Variants in PABPC1 observed in about 807,000 individuals in gnomAD.
The protein encoded by PABPC1 is polyadenylate-binding protein 1.
A neutral mutation model predicts 74.0 loss-of-function variants in PABPC1; 4 were observed. That is an observed-to-expected ratio of 0.05 (90% CI 0.03 to 0.12). PABPC1 has a LOEUF of 0.12. Ranked by LOEUF, PABPC1 falls within the 10% of genes least tolerant of loss-of-function variation. The probability of loss-of-function intolerance (pLI) is 1.00; values close to 1 mark genes in which losing one functional copy is unlikely to be tolerated. For synonymous variants in PABPC1, 227 were observed against 264.1 expected (o/e 0.86, Z 1.36); for missense variants, 271 against 821.1 (o/e 0.33, Z 8.19).
At chr8:100,704,793 GGTT>G in intron 13 of PABPC1, 130 bp downstream of exon 13, 2 of 900,416 alleles carry the variant, frequency 2.2e-6, no homozygotes, top group Non-Finnish European at 3.4e-6. Flanking sequence ...TAGCGCCACA[GGTT>G]ATTATGCAGA....
intron 11 of PABPC1, 87 bp from the exon 12 acceptor site, chr8:100,705,760 G>C: frequency 1.2e-6 from 1 of 847,550 alleles, no homozygotes; most frequent in Non-Finnish European, 2.0e-6. Flanking sequence ...TGCTGAAGTG[G>C]TAGACTTCCA....
intron 7 of PABPC1, among the ~76,000 whole-genome samples, chr8:100,710,332 C>A (rs983660030): frequency 6.6e-6 from 1 of 152,116 alleles, no homozygotes; most frequent in Non-Finnish European, 1.5e-5. Flanking sequence ...ACTCGCTAGG[C>A]CAGCAATATA....
Position 100,709,119 on chromosome 8 carries a change from G to GA in PABPC1, c.1336+13dup. On this transcript the variant is annotated intron_variant, in intron 9 of 14. Transcript: ENST00000318607. ...ACTCAATCCCCAACCTTAATTAAAA[G>GA]AAAAAAGACTTACGATGAGGTCTGG... 6.3e-7 allele frequency: 1 copy of GA among 1,580,714 alleles called. No homozygotes were observed. The highest frequency in any genetic ancestry group is 8.6e-7 in the Non-Finnish European group (1 of 1,158,624).
intron 4 of PABPC1, among the ~76,000 whole-genome samples, chr8:100,715,122 T>TACACACACACACACAC (rs56819980): frequency 3.1e-4 from 41 of 131,300 alleles, no homozygotes; most frequent in African/African-American, 5.3e-4. Context: ...GATCTCTAAT[T>TACACACACACACACAC]ACACACACAC....
chr8:100,712,966 A>G (rs1810568923), intron 5 of PABPC1, 121 bp downstream of exon 5: 1 of 1,034,370 alleles, frequency 9.7e-7, no homozygotes, highest in East Asian at 2.5e-5. Flanking sequence ...CCTAATGCAT[A>G]AAATGCAAAT....
intron 9 of PABPC1, chr8:100,707,227 G>A (rs1231507529): frequency 5.2e-6 from 2 of 385,318 alleles, no homozygotes; most frequent in South Asian, 2.4e-5. Flanking sequence ...CCACAGGGTC[G>A]GTGGGCTTCT....
At chr8:100,716,166 G>A (rs1046626237) in intron 3 of PABPC1, among the ~76,000 whole-genome samples, 9 of 152,208 alleles carry the variant, frequency 5.9e-5, no homozygotes, top group African/African-American at 1.9e-4. Context: ...CACTTTGCAA[G>A]GCCAAGGTGG....
intron 3 of PABPC1, among the ~76,000 whole-genome samples, chr8:100,716,249 AAATT>A (rs1810666169): frequency 6.6e-6 from 1 of 152,162 alleles, no homozygotes; most frequent in Non-Finnish European, 1.5e-5. Flanking sequence ...TAAAGTACAA[AAATT>A]AGTTGGGTGT....
At chr8:100,717,043 T>C (rs1232552753) in intron 3 of PABPC1, among the ~76,000 whole-genome samples, 1 of 152,128 alleles carries the variant, frequency 6.6e-6, no homozygotes, top group Non-Finnish European at 1.5e-5. Flanking sequence ...ACAGTTTCAA[T>C]CTTGTCGCCC....
At chr8:100,705,798 G>T (rs1272112602) in intron 11 of PABPC1, 125 bp from the exon 12 acceptor site, 3 of 680,092 alleles carry the variant, frequency 4.4e-6, no homozygotes, top group Non-Finnish European at 8.0e-6. Context: ...GAAGTTGAGT[G>T]AGCGAATTAG....
At chr8:100,711,699 A>T (rs1431204395) in intron 7 of PABPC1, among the ~76,000 whole-genome samples, 1 of 152,044 alleles carries the variant, frequency 6.6e-6, no homozygotes, top group Non-Finnish European at 1.5e-5. Context: ...ACATTTCCTC[A>T]CTCTCACAGA....
intron 11 of PABPC1, among the ~76,000 whole-genome samples, chr8:100,706,159 T>C (rs1415364736): frequency 6.6e-6 from 1 of 152,154 alleles, no homozygotes; most frequent in Non-Finnish European, 1.5e-5. Context: ...CATAGCTACT[T>C]GTAATAGTTG....
intron 4 of PABPC1, 151 bp from the exon 5 acceptor site, chr8:100,713,332 T>G: frequency 2.0e-6 from 1 of 498,656 alleles, no homozygotes; most frequent in Non-Finnish European, 3.5e-6. Context: ...GTAGGTATAC[T>G]TTTCCATTGA....
Position 100,712,685 on chromosome 8 carries a change from T to C in PABPC1, c.843A>G (p.Glu281=). ...ERQTELKRKF[E]QMKQDRITRY... Reference sequence around the variant, plus strand: ...TGGTGATCCTATCTTGTTTCATCTGTTCAAATTTGCGCTTAAGTTCCGTCT... The same window carrying C: ...TGGTGATCCTATCTTGTTTCATCTGCTCAAATTTGCGCTTAAGTTCCGTCT... Residue 281 remains glutamate, a synonymous_variant, in exon 6 of 15, where the codon GAA becomes GAG. Transcript: ENST00000318607. 6.2e-7 allele frequency: 1 copy of C among 1,612,768 alleles called. No homozygotes were observed. The highest frequency in any genetic ancestry group is 1.1e-5 in the South Asian group (1 of 90,682).
intron 9 of PABPC1, among the ~76,000 whole-genome samples, chr8:100,708,373 C>T (rs60209660): frequency 0.05 from 7,588 of 151,770 alleles, 624 homozygotes; most frequent in African/African-American, 0.17. Flanking sequence ...GGAGGATCAC[C>T]TGAACCCGGG....
At position 100,706,639 on chromosome 8, in the gene PABPC1, T is replaced by C; in HGVS notation, c.1602+12A>G. ...AAATGTGATTTTTATTAAGAAATCA[T>C]TAAATCCATACCTGTTGCATTGTAA... On this transcript the variant is annotated intron_variant, in intron 11 of 14. Coordinates refer to ENST00000318607, the MANE Select transcript of PABPC1 (RefSeq NM_002568.4). 2 of 1,554,122 alleles carry C rather than the reference T, an allele frequency of 1.3e-6. No individual in the cohort carries two copies. Among genetic ancestry groups the C allele is most frequent in the Non-Finnish European group, 1.8e-6 (2 of 1,142,772 alleles).
rs1810837417 is a variant in PABPC1, at chr8:100,721,692, C to A, written c.-109G>T. The A allele has an allele frequency of 2.2e-6, 2 of 923,616 alleles. No homozygotes were observed. Among genetic ancestry groups the A allele is most frequent in the Non-Finnish European group, 1.5e-6 (1 of 653,964 alleles). 57.2% of individuals were successfully genotyped at this position (923,616 alleles called of 1,614,324 possible). Reference sequence around the variant, plus strand: ...CGGGGGGAGGGGAGCGGGGAGCAAGCGCAGAGGGACAAAAATCAACCGGAA... The same window carrying A: ...CGGGGGGAGGGGAGCGGGGAGCAAGAGCAGAGGGACAAAAATCAACCGGAA... On this transcript the variant is annotated 5_prime_UTR_variant, in exon 1 of 15. Transcript: ENST00000318607. This position sits in a 1 kb window ranked among gnomAD's most constrained non-coding sequence, Gnocchi z 7.4.
Position 100,713,079 on chromosome 8 carries a change from C to A in PABPC1, c.738+8G>T, listed in dbSNP as rs761677351. The stretch of plus-strand genomic sequence containing the variant: ...CCCCCTTCTTCCTGCTGAATACAGA[C>A]CACTTACTTTCTGTGCATCTTCATG... On this transcript the variant is annotated splice_region_variant and intron_variant, in intron 5 of 14. Coordinates refer to ENST00000318607, the MANE Select transcript of PABPC1 (RefSeq NM_002568.4). 1 of 1,584,742 alleles carries A rather than the reference C, an allele frequency of 6.3e-7. No individual in the cohort carries two copies. Among genetic ancestry groups the A allele is most frequent in the South Asian group, 1.1e-5 (1 of 87,638 alleles).
At position 100,707,734 on chromosome 8, in the gene PABPC1, G is replaced by C. The variant is rs761056618; in HGVS notation, c.1337-737C>G. ...CTGACTGATGTCAGGCCCTCCACAAGAGGTGGAGGAGCAGTCTTCTCTAAA... is the reference window on the plus strand; with the variant it reads ...CTGACTGATGTCAGGCCCTCCACAACAGGTGGAGGAGCAGTCTTCTCTAAA... On this transcript the variant is annotated intron_variant, in intron 9 of 14. Coordinates refer to ENST00000318607, the MANE Select transcript of PABPC1 (RefSeq NM_002568.4). Among the ~76,000 whole-genome samples, 8 of 152,340 alleles carry C rather than the reference G, an allele frequency of 5.3e-5. No homozygotes were observed. The South Asian group carries it at 1.0e-3, about 20-fold the overall frequency.
Sources: gnomAD v4.1 joint callset for allele counts (sites outside exome capture counted in the v4.1 genomes callset) on GRCh38, gnomAD v4.1.1 for gene constraint, Gnocchi (gnomAD v3.1) non-coding constraint, MANE v1.5 for transcripts, NCBI Gene and HGNC (gene_info 2026-07-23, HGNC 2026-07-21) for gene names.